Variants in PSPH observed in about 807,000 individuals in gnomAD.
PSPH encodes the protein phosphoserine phosphatase.
PSPH carries 16 observed loss-of-function variants against 23.4 expected under a neutral mutation model. The ratio of observed to expected loss-of-function variants is 0.68; its 90% confidence interval spans 0.46 to 1.04. The LOEUF is 1.04. Ranked by LOEUF, PSPH falls within the 50% of genes least tolerant of loss-of-function variation. The pLI, the probability that PSPH is intolerant of heterozygous loss-of-function variation, is 0.00. For synonymous variants in PSPH, 68 were observed against 99.7 expected (o/e 0.68, Z 1.89); for missense variants, 223 against 273.7 (o/e 0.81, Z 1.31).
intron 1 of PSPH, among the ~76,000 whole-genome samples, chr7:56,038,710 G>A (rs1792066834): frequency 6.6e-6 from 1 of 151,878 alleles, no homozygotes; most frequent in Non-Finnish European, 1.5e-5. Flanking sequence ...CACACACCTC[G>A]AGGCACACAC....
At chr7:56,049,962 C>A (rs915243938) in intron 1 of PSPH, among the ~76,000 whole-genome samples, 2 of 152,018 alleles carry the variant, frequency 1.3e-5, no homozygotes, top group Non-Finnish European at 2.9e-5. Context: ...TCTTGAACTC[C>A]TGACCTCAAG....
intron 4 of PSPH, 137 bp from the exon 5 acceptor site, chr7:56,019,871 G>T: frequency 1.8e-6 from 2 of 1,116,412 alleles, no homozygotes; most frequent in Non-Finnish European, 2.6e-6. Context: ...GACAGGCTTT[G>T]CTACTAGGAG....
intron 1 of PSPH, among the ~76,000 whole-genome samples, chr7:56,047,994 T>C (rs1463024838): frequency 1.3e-5 from 2 of 148,314 alleles, no homozygotes; most frequent in Non-Finnish European, 3.0e-5. Flanking sequence ...TAAGGAAACA[T>C]CAGGCCAGGC....
At chr7:56,037,626 C>T (rs567767207) in intron 1 of PSPH, among the ~76,000 whole-genome samples, 14 of 152,012 alleles carry the variant, frequency 9.2e-5, no homozygotes, top group Non-Finnish European at 1.6e-4. Flanking sequence ...GTCTCCAACT[C>T]CTGGGCTCAA....
chr7:56,030,742 T>C (rs985486627), intron 3 of PSPH, among the ~76,000 whole-genome samples: 2 of 151,416 alleles, frequency 1.3e-5, no homozygotes, highest in African/African-American at 2.4e-5. Flanking sequence ...CTATTAAATA[T>C]ACAAAAATTA....
At chr7:56,023,920 C>CT (rs1047546226) in intron 3 of PSPH, among the ~76,000 whole-genome samples, 44 of 147,700 alleles carry the variant, frequency 3.0e-4, no homozygotes, top group Admixed American at 7.5e-4. Flanking sequence ...TTTTATTTTA[C>CT]TTTTTTTTTT....
intron 6 of PSPH, among the ~76,000 whole-genome samples, chr7:56,015,585 C>T (rs1263297712): frequency 6.6e-6 from 1 of 152,098 alleles, no homozygotes; most frequent in Non-Finnish European, 1.5e-5. Flanking sequence ...TTGTTGTATC[C>T]TTTAAGCTTC....
At chr7:56,015,691 C>T (rs181348834) in intron 6 of PSPH, among the ~76,000 whole-genome samples, 415 of 152,250 alleles carry the variant, frequency 2.7e-3, no homozygotes, top group Middle Eastern at 0.017. Context: ...CAGTGTCTCA[C>T]TCTGTTGCCC....
At chr7:56,021,983 C>CAT (rs1789539941) in intron 3 of PSPH, among the ~76,000 whole-genome samples, 1 of 144,630 alleles carries the variant, frequency 6.9e-6, no homozygotes. Context: ...CAGAGGTGTG[C>CAT]ATAAGGCTCT....
chr7:56,036,133 A>C (rs529524788), intron 1 of PSPH, among the ~76,000 whole-genome samples: 1 of 151,836 alleles, frequency 6.6e-6, no homozygotes, highest in African/African-American at 2.4e-5. Context: ...AGGCTGAGGC[A>C]GAAGAATCGT....
At chr7:56,037,523 A>G (rs1791878126) in intron 1 of PSPH, among the ~76,000 whole-genome samples, 1 of 151,450 alleles carries the variant, frequency 6.6e-6, no homozygotes. Context: ...GGCTCAAGCA[A>G]TCTTCCTGCC....
In PSPH at chr7:56,015,028, G is replaced by A; in HGVS notation, c.565C>T (p.Pro189Ser). 2 of 1,613,948 alleles carry A rather than the reference G, an allele frequency of 1.2e-6. No homozygotes were observed. Among genetic ancestry groups the A allele is most frequent in the Non-Finnish European group, 1.7e-6 (2 of 1,179,968 alleles). Residue 189 changes from proline to serine, a missense_variant, in exon 7 of 8, where the codon CCT becomes TCT. Coordinates refer to ENST00000275605, the MANE Select transcript of PSPH (RefSeq NM_004577.4). ...TTAGCACCCTTAATACATACAGCAG[G>A]AGGACAGGCTTCCATATCTGTGGCA... ...DGATDMEACP[P>S]ADAFIGFGGN...
chr7:56,031,443 T>C (rs1174770582), intron 3 of PSPH, among the ~76,000 whole-genome samples: 1 of 152,134 alleles, frequency 6.6e-6, no homozygotes, highest in Non-Finnish European at 1.5e-5. Flanking sequence ...TGATATGTAA[T>C]ATAACCAGCT....
At chr7:56,024,694 G>T (rs1463310991) in intron 3 of PSPH, among the ~76,000 whole-genome samples, 1 of 151,952 alleles carries the variant, frequency 6.6e-6, no homozygotes, top group Non-Finnish European at 1.5e-5. Context: ...GCTGCAGTGA[G>T]CTATGACCAT....
At chr7:56,038,115 C>T (rs1219967315) in intron 1 of PSPH, among the ~76,000 whole-genome samples, 6 of 151,608 alleles carry the variant, frequency 4.0e-5, no homozygotes, top group African/African-American at 7.3e-5. Context: ...ACAAGCCCTC[C>T]GGAAAACAAT....
At chr7:56,031,083 C>T (rs532992524) in intron 3 of PSPH, among the ~76,000 whole-genome samples, 32 of 151,546 alleles carry the variant, frequency 2.1e-4, no homozygotes, top group East Asian at 1.6e-3. Context: ...CGGTGGCGGG[C>T]GCCTGTAGTC....
intron 1 of PSPH, among the ~76,000 whole-genome samples, chr7:56,045,109 T>A (rs1178525079): frequency 6.7e-6 from 1 of 148,258 alleles, no homozygotes; most frequent in Non-Finnish European, 1.5e-5. Flanking sequence ...CTTGAATCCA[T>A]ACTGATACAA....
chr7:56,021,103 A>G lies in PSPH; in HGVS notation c.110T>C (p.Ile37Thr). The G allele has an allele frequency of 6.2e-7, 1 of 1,614,214 alleles. No homozygotes were observed. The change falls in exon 4 of 8, where the codon ATC (isoleucine) becomes ACC (threonine). Residue 37 changes from isoleucine (I) to threonine (T), a missense_variant. Transcript: ENST00000275605. ...TGACACCGCGTCCTCAACGCCACAG[A>G]TTTTGGCTAGCTCATCGATTCCTTC... The part of the protein sequence containing the change: ...REEGIDELAK[I>T]CGVEDAVSEM...
intron 4 of PSPH, 80 bp from the exon 5 acceptor site, chr7:56,019,814 C>T (rs766277754): frequency 6.0e-5 from 94 of 1,575,210 alleles, no homozygotes; most frequent in Admixed American, 2.4e-4. Context: ...CGGGTCTGCA[C>T]GACATCCACC....
Sources: allele counts gnomAD v4.1 joint callset (sites outside exome capture counted in the v4.1 genomes callset), GRCh38; gene constraint gnomAD v4.1.1; transcripts MANE v1.5; gene names NCBI Gene and HGNC (gene_info 2026-07-23, HGNC 2026-07-21).